Variants in LHPP observed in about 807,000 individuals in gnomAD.
LHPP encodes the protein phospholysine phosphohistidine inorganic pyrophosphate phosphatase.
Under a neutral mutation model 30.3 loss-of-function variants are expected in LHPP, and 24 were observed. The observed-to-expected ratio is 0.79, with a 90% CI of 0.57 to 1.11. The LOEUF is 1.11. LHPP is among the 50% of genes most tolerant of loss of function. The pLI is 0.00. For missense variants in LHPP, 356 were observed against 367.2 expected (o/e 0.97, Z 0.25); for synonymous variants, 150 against 157.1 (o/e 0.95, Z 0.34).
At chr10:124,527,636 C>T (rs1353787924) in intron 6 of LHPP, among the ~76,000 whole-genome samples, 7 of 152,182 alleles carry the variant, frequency 4.6e-5, no homozygotes, top group Admixed American at 4.6e-4. Flanking sequence ...AGCAGGGAGA[C>T]AGAAAAGCCC....
At position 124,503,707 on chromosome 10, in the gene LHPP, G is replaced by A. The variant is rs550914420; in HGVS notation, c.624+5579G>A. On this transcript the variant is annotated intron_variant, in intron 5 of 6. Transcript: ENST00000368842. Reference sequence around the variant, plus strand: ...TGTTTTTACCTGTCTCTGGTAGGTAGCCATGTTTATAAATATTAAAGCTAT... The same window carrying A: ...TGTTTTTACCTGTCTCTGGTAGGTAACCATGTTTATAAATATTAAAGCTAT... 1.3e-4 allele frequency among the ~76,000 whole-genome samples: 20 copies of A among 151,702 alleles called. No homozygotes were observed. In the East Asian group the frequency reaches 3.9e-3, roughly 29 times the overall value.
chr10:124,565,046 A>G (rs7900337), intron 6 of LHPP, among the ~76,000 whole-genome samples: 130,745 of 152,002 alleles, frequency 0.86, 56,328 homozygotes, highest in East Asian at 0.99. Context: ...TTGTCCAGCA[A>G]GCGCTCTGTG....
intron 5 of LHPP, among the ~76,000 whole-genome samples, chr10:124,501,126 A>C (rs1329084067): frequency 6.6e-6 from 1 of 151,716 alleles, no homozygotes; most frequent in African/African-American, 2.4e-5. Context: ...TGGTAGCATT[A>C]TGCTAAGTGA....
intron 6 of LHPP, among the ~76,000 whole-genome samples, chr10:124,607,578 A>G (rs1030138982): frequency 1.3e-5 from 2 of 152,150 alleles, no homozygotes; most frequent in African/African-American, 4.8e-5. Flanking sequence ...GTCATCTTCT[A>G]TGGGGAGACC....
At chr10:124,589,934 G>A (rs773748181) in intron 6 of LHPP, among the ~76,000 whole-genome samples, 4 of 152,176 alleles carry the variant, frequency 2.6e-5, no homozygotes, top group Admixed American at 1.3e-4. Flanking sequence ...GGCGGGGCTC[G>A]GGAGCTGTCA....
intron 1 of LHPP, among the ~76,000 whole-genome samples, chr10:124,462,401 C>T (rs775574027): frequency 1.1e-4 from 17 of 152,006 alleles, no homozygotes; most frequent in Non-Finnish European, 2.1e-4. Context: ...TGGAGACCAC[C>T]CTGGGCAACA....
intron 2 of LHPP, among the ~76,000 whole-genome samples, chr10:124,486,139 C>T (rs536843766): frequency 6.6e-6 from 1 of 152,218 alleles, no homozygotes; most frequent in African/African-American, 2.4e-5. Flanking sequence ...GAAATGTACA[C>T]ACGTCAAGTG....
At chr10:124,610,725 A>C (rs1185077916) in intron 6 of LHPP, among the ~76,000 whole-genome samples, 10 of 61,226 alleles carry the variant, frequency 1.6e-4, no homozygotes, top group South Asian at 7.9e-4. Flanking sequence ...GGAGCGGGCG[A>C]GGGTGAGGGT....
intron 1 of LHPP, among the ~76,000 whole-genome samples, chr10:124,477,283 C>G (rs1952979622): frequency 6.6e-6 from 1 of 152,156 alleles, no homozygotes. Context: ...CACTACAACC[C>G]CCGGGGAAGG....
rs1441474807 is a variant in LHPP at position 124,510,775 on chromosome 10, C to A, written c.625-6405C>A. On this transcript the variant is annotated intron_variant, in intron 5 of 6. Transcript: ENST00000368842. This position sits in a 1 kb window ranked among gnomAD's most constrained non-coding sequence, Gnocchi z 4.0. ...CCCTGGAGTCTCTGGCAGCAGTGGACATGGTCCTGAATTGGAGTGCTGTGA... is the reference window on the plus strand; with the variant it reads ...CCCTGGAGTCTCTGGCAGCAGTGGAAATGGTCCTGAATTGGAGTGCTGTGA... 6.6e-6 allele frequency among the ~76,000 whole-genome samples: 1 copy of A among 152,244 alleles called. No individual in the cohort carries two copies. The highest frequency in any genetic ancestry group is 6.5e-5 in the Admixed American group (1 of 15,292).
chr10:124,602,023 C>T (rs1020374735), intron 6 of LHPP, among the ~76,000 whole-genome samples: 5 of 152,228 alleles, frequency 3.3e-5, no homozygotes, highest in African/African-American at 1.2e-4. Flanking sequence ...TTCGTAGTGC[C>T]CCAGCTCCAT....
At chr10:124,507,107 T>TC (rs1954131004) in intron 5 of LHPP, among the ~76,000 whole-genome samples, 1 of 38,216 alleles carries the variant, frequency 2.6e-5, no homozygotes, top group Non-Finnish European at 4.7e-5. Flanking sequence ...GGATTTCAGG[T>TC]GCAGGGGTAG....
In LHPP at chr10:124,592,972, T is replaced by C. The variant is rs1948899750; in HGVS notation, c.717-20292T>C. On this transcript the variant is annotated intron_variant, in intron 6 of 6. Transcript: ENST00000368842. This position sits in a 1 kb window ranked among gnomAD's most constrained non-coding sequence, Gnocchi z 6.2. ...AATGAATGGACCCTCACTGGGCCGC[T>C]TTGACAGTTTATGAGGTGATGACGT... 6.6e-6 allele frequency among the ~76,000 whole-genome samples: 1 copy of C among 152,020 alleles called. No individual in the cohort carries two copies. The highest frequency in any genetic ancestry group is 2.1e-4 in the South Asian group (1 of 4,822).
chr10:124,561,088 T>A (rs1948387758), intron 6 of LHPP, among the ~76,000 whole-genome samples: 1 of 152,100 alleles, frequency 6.6e-6, no homozygotes, highest in African/African-American at 2.4e-5. Flanking sequence ...GCCTTGCACA[T>A]CTCAGACGTG....
intron 6 of LHPP, among the ~76,000 whole-genome samples, chr10:124,609,402 C>T (rs1485080646): frequency 2.0e-5 from 3 of 152,146 alleles, no homozygotes; most frequent in Non-Finnish European, 4.4e-5. Flanking sequence ...GCCACTACAC[C>T]TGGCTGATTT....
chr10:124,508,052 C>T (rs1470366184), intron 5 of LHPP, among the ~76,000 whole-genome samples: 2 of 151,974 alleles, frequency 1.3e-5, no homozygotes, highest in African/African-American at 2.4e-5. Context: ...CCTACCATTT[C>T]GTTCCCTGAT....
intron 6 of LHPP, among the ~76,000 whole-genome samples, chr10:124,533,026 G>T (rs1185237057): frequency 1.3e-5 from 2 of 152,142 alleles, no homozygotes; most frequent in African/African-American, 4.8e-5. Context: ...GACTTATTTT[G>T]GACTTACTTC....
intron 6 of LHPP, chr10:124,526,266 T>C (rs1255201483): frequency 2.0e-6 from 2 of 983,690 alleles, no homozygotes; most frequent in Non-Finnish European, 2.4e-6. Context: ...ATAACGCAGG[T>C]ATGCCTCATG....
At chr10:124,512,279 G>T (rs1203473365) in intron 5 of LHPP, among the ~76,000 whole-genome samples, 4 of 152,130 alleles carry the variant, frequency 2.6e-5, no homozygotes, top group Non-Finnish European at 5.9e-5. Context: ...GGTGAGATAG[G>T]GAATTTCCTC....
Sources: allele counts gnomAD v4.1 joint callset (sites outside exome capture counted in the v4.1 genomes callset), GRCh38; gene constraint gnomAD v4.1.1; non-coding constraint Gnocchi (gnomAD v3.1); transcripts MANE v1.5; gene names NCBI Gene and HGNC (gene_info 2026-07-23, HGNC 2026-07-21).